Variants in TNR observed in about 807,000 individuals in gnomAD.
TNR encodes tenascin R, also known as tenascin-R.
Under a neutral mutation model 150.4 loss-of-function variants are expected in TNR, and 45 were observed. That is an observed-to-expected ratio of 0.30 (90% confidence interval 0.24 to 0.38). The LOEUF (loss-of-function observed/expected upper bound fraction) is 0.38. Among genes scored for constraint, TNR ranks in the 10% least tolerant of loss-of-function variants. TNR has a pLI of 1.00. For synonymous variants in TNR, 687 were observed against 678.4 expected, an observed-to-expected ratio of 1.01 and a Z score of -0.20; for missense variants, 1,544 against 1,759.1, an observed-to-expected ratio of 0.88 and a Z score of 2.19.
chr1:175,523,453 G>C (rs1240077793), intron 2 of TNR, among the ~76,000 whole-genome samples: 1 of 152,096 alleles, frequency 6.6e-6, no homozygotes, highest in African/African-American at 2.4e-5. Context: ...TGTAATTTGA[G>C]GAAAGGGAGA....
At chr1:175,363,564 A>G in intron 13 of TNR, 144 bp downstream of exon 13, 1 of 1,114,570 alleles carries the variant, frequency 9.0e-7, no homozygotes, top group Non-Finnish European at 1.3e-6. Context: ...TTGGCTGCTC[A>G]CCAGCCCACT....
intron 1 of TNR, among the ~76,000 whole-genome samples, chr1:175,712,211 G>A (rs1289481120): frequency 6.6e-6 from 1 of 152,082 alleles, no homozygotes; most frequent in Non-Finnish European, 1.5e-5. Flanking sequence ...TCACAGATGA[G>A]GCATCTTAGG....
At chr1:175,463,751 G>A (rs1036815969) in intron 2 of TNR, among the ~76,000 whole-genome samples, 1 of 152,194 alleles carries the variant, frequency 6.6e-6, no homozygotes, top group Non-Finnish European at 1.5e-5. Context: ...GATTGATCAA[G>A]ATTACCCCTT....
intron 1 of TNR, among the ~76,000 whole-genome samples, chr1:175,682,469 C>T (rs1488949282): frequency 1.3e-5 from 2 of 152,208 alleles, no homozygotes; most frequent in Admixed American, 6.5e-5. Flanking sequence ...ACCACAGGTT[C>T]TCTTAAGGAG....
At chr1:175,639,256 T>C (rs947055580) in intron 1 of TNR, among the ~76,000 whole-genome samples, 18 of 152,202 alleles carry the variant, frequency 1.2e-4, no homozygotes, top group African/African-American at 4.3e-4. Context: ...AAACTTCTTG[T>C]CTGAGCAATG....
intron 2 of TNR, among the ~76,000 whole-genome samples, chr1:175,471,490 G>A (rs1422924300): frequency 5.9e-5 from 9 of 152,190 alleles, no homozygotes; most frequent in African/African-American, 1.7e-4. Flanking sequence ...GCATGTTACT[G>A]TACTGAGGAC....
In TNR at chr1:175,354,363, A is replaced by G. The variant is rs1318648273; in HGVS notation, c.3382+28T>C. The G allele has an allele frequency of 2.5e-6, 4 of 1,609,990 alleles. No homozygotes were observed. The South Asian group carries it at 3.3e-5, about 13-fold the overall frequency. On this transcript the variant is annotated intron_variant, in intron 18 of 22. Transcript: ENST00000367674. Reference sequence around the variant, plus strand: ...GCCAAACATCAGGAAGTGGAGAAGAAGGCATCAAAGTGGCCATGCTCCCTC... The same window carrying G: ...GCCAAACATCAGGAAGTGGAGAAGAGGGCATCAAAGTGGCCATGCTCCCTC...
chr1:175,376,600 G>A (rs1344516111), intron 9 of TNR, among the ~76,000 whole-genome samples: 1 of 152,128 alleles, frequency 6.6e-6, no homozygotes, highest in Non-Finnish European at 1.5e-5. Flanking sequence ...GAGTGAGTGA[G>A]AAAGCACAAT....
chr1:175,647,900 A>G (rs1264167510), intron 1 of TNR, among the ~76,000 whole-genome samples: 1 of 152,038 alleles, frequency 6.6e-6, no homozygotes, highest in Admixed American at 6.5e-5. Context: ...TCCCACTTCA[A>G]TCCTCACAGA....
At chr1:175,641,783 C>T (rs536169285) in intron 1 of TNR, among the ~76,000 whole-genome samples, 13 of 152,024 alleles carry the variant, frequency 8.6e-5, no homozygotes, top group South Asian at 6.2e-4. Context: ...TAAACCAAAG[C>T]GGGAGATGTG....
chr1:175,381,648 G>A (rs773238135), intron 8 of TNR, among the ~76,000 whole-genome samples: 3 of 152,214 alleles, frequency 2.0e-5, no homozygotes, highest in Non-Finnish European at 4.4e-5. Flanking sequence ...TCCCTGCAAC[G>A]TCAGCAAGTC....
chr1:175,397,317 T>A (rs1653482097), intron 4 of TNR, among the ~76,000 whole-genome samples: 1 of 152,224 alleles, frequency 6.6e-6, no homozygotes, highest in Non-Finnish European at 1.5e-5. Context: ...TGACGTCATG[T>A]TGGTAATTGA....
intron 1 of TNR, among the ~76,000 whole-genome samples, chr1:175,650,825 T>A (rs1478659599): frequency 9.9e-5 from 1 of 10,112 alleles, no homozygotes; most frequent in Non-Finnish European, 2.0e-4. Context: ...CCCACCTCCT[T>A]ACTACCCCTC....
chr1:175,542,569 G>A (rs116283542), intron 1 of TNR, among the ~76,000 whole-genome samples: 2 of 152,122 alleles, frequency 1.3e-5, no homozygotes, highest in Non-Finnish European at 2.9e-5. Context: ...GAGGATAAAG[G>A]CATTTCCCAC....
chr1:175,335,324 G>GTGT, intron 20 of TNR: 1 of 182,610 alleles, frequency 5.5e-6, no homozygotes. Context: ...ACTAAGCGGA[G>GTGT]TGGCTGTCCT....
At chr1:175,542,364 C>T (rs577851464) in intron 1 of TNR, among the ~76,000 whole-genome samples, 8 of 152,278 alleles carry the variant, frequency 5.3e-5, no homozygotes, top group Admixed American at 2.0e-4. Context: ...TAGCCCACCT[C>T]GGGTTCCTGT....
intron 1 of TNR, among the ~76,000 whole-genome samples, chr1:175,737,045 A>G (rs1366334006): frequency 6.6e-6 from 1 of 152,106 alleles, no homozygotes; most frequent in Non-Finnish European, 1.5e-5. Flanking sequence ...GCAAAAAGAA[A>G]AACAAAAATA....
chr1:175,364,542 C>G (rs1401587256), intron 12 of TNR, among the ~76,000 whole-genome samples: 4 of 152,148 alleles, frequency 2.6e-5, no homozygotes, highest in African/African-American at 9.7e-5. Flanking sequence ...AAGCAACATC[C>G]AAATCAACCC....
At chr1:175,434,241 C>A (rs1337378744) in intron 2 of TNR, among the ~76,000 whole-genome samples, 2 of 152,288 alleles carry the variant, frequency 1.3e-5, no homozygotes, top group East Asian at 3.9e-4. Flanking sequence ...GGAATGAAAG[C>A]TCCAGAGAAG....
Sources: gnomAD v4.1 joint callset for allele counts (sites outside exome capture counted in the v4.1 genomes callset) on GRCh38, gnomAD v4.1.1 for gene constraint, MANE v1.5 for transcripts, NCBI Gene and HGNC (gene_info 2026-07-23, HGNC 2026-07-21) for gene names.